Variants in HERC3 observed in about 807,000 individuals in gnomAD.
HERC3 encodes HECT and RLD domain containing E3 ubiquitin protein ligase 3.
A neutral mutation model predicts 129.9 loss-of-function variants in HERC3; 58 were observed. The observed-to-expected ratio is 0.45, with a 90% CI of 0.36 to 0.56. The LOEUF is 0.56. Ranked by LOEUF, HERC3 falls within the 20% of genes least tolerant of loss-of-function variation. HERC3 has a pLI of 0.00. For synonymous variants in HERC3, 430 were observed against 451.0 expected (o/e 0.95, Z 0.59); for missense variants, 835 against 1,244.2 (o/e 0.67, Z 4.95).
chr4:88,558,018 T>C, the HERC3 span, among the ~76,000 whole-genome samples: 7,273 of 131,706 alleles, frequency 0.055, 438 homozygotes, highest in East Asian at 0.29. Flanking sequence ...TTGCGGTGAG[T>C]CGAGATCACA....
chr4:88,549,164 A>G, the HERC3 span, among the ~76,000 whole-genome samples: 80 of 152,134 alleles, frequency 5.3e-4, no homozygotes, highest in Admixed American at 8.5e-4. Context: ...AAATTTTTAT[A>G]TGATATAAAG....
chr4:88,561,470 G>A, the HERC3 span, among the ~76,000 whole-genome samples: 2 of 152,030 alleles, frequency 1.3e-5, no homozygotes, highest in African/African-American at 4.8e-5. Flanking sequence ...GGTAAATGGG[G>A]TATCCATCAT....
At chr4:88,557,741 CAG>C in the HERC3 span, among the ~76,000 whole-genome samples, 1 of 152,208 alleles carries the variant, frequency 6.6e-6, no homozygotes, top group South Asian at 2.1e-4. Flanking sequence ...CTGTGGAAAA[CAG>C]TATGGAGATT....
chr4:88,663,119 T>G (rs1362639178), intron 11 of HERC3, among the ~76,000 whole-genome samples: 3 of 152,194 alleles, frequency 2.0e-5, no homozygotes, highest in African/African-American at 7.2e-5. Flanking sequence ...CACTTTTTTC[T>G]GCAAAGTCTG....
chr4:88,669,937 C>G lies in HERC3; in HGVS notation c.1711C>G (p.Leu571Val). The change falls in exon 15 of 26, where the codon CTG becomes GTG. Residue 571 changes from leucine (L) to valine (V), a missense_variant. By Grantham distance (32) the Leu-to-Val change is conservative. Transcript: ENST00000402738. Reference sequence around the variant, plus strand: ...CTATAAAGGTGCAGTCCTTTATCTACTGAGGGGAAGAAAGACATTCTTAAT... The same window carrying G: ...CTATAAAGGTGCAGTCCTTTATCTAGTGAGGGGAAGAAAGACATTCTTAAT... ...NLYKGAVLYL[L>V]RGRKTFLIPV... The G allele has an allele frequency of 6.2e-7, 1 of 1,613,340 alleles. No homozygotes were observed. Among genetic ancestry groups the G allele is most frequent in the Non-Finnish European group, 8.5e-7 (1 of 1,179,400 alleles).
chr4:88,535,995 C>T, the HERC3 span, among the ~76,000 whole-genome samples: 1 of 152,184 alleles, frequency 6.6e-6, no homozygotes, highest in Admixed American at 6.5e-5. Flanking sequence ...TCTCATGGGG[C>T]TAGGATGACC....
intron 3 of HERC3, among the ~76,000 whole-genome samples, chr4:88,618,273 A>T (rs1725140738): frequency 6.6e-6 from 1 of 152,216 alleles, no homozygotes; most frequent in East Asian, 1.9e-4. Flanking sequence ...TGCTTTATTC[A>T]TCTTTCTGTT....
chr4:88,561,651 C>T, the HERC3 span, among the ~76,000 whole-genome samples: 9 of 152,176 alleles, frequency 5.9e-5, no homozygotes, highest in Middle Eastern at 6.8e-3. Context: ...CTTCACTTCC[C>T]CTCTTTCCTT....
chr4:88,681,146 G>A lies in HERC3; in HGVS notation c.2341-13G>A, dbSNP rs374491644. On this transcript the variant is annotated splice_polypyrimidine_tract_variant and intron_variant, in intron 20 of 25. Coordinates refer to ENST00000402738, the MANE Select transcript of HERC3 (RefSeq NM_014606.3). ...GCATTTCTTTTTAACACATTTGTAT[G>A]TGTCCTAAAAAGTGTTTTGTAGAGC... 6 of 1,593,212 alleles carry A rather than the reference G, an allele frequency of 3.8e-6. No homozygotes were observed. Among genetic ancestry groups the A allele is most frequent in the Non-Finnish European group, 5.1e-6 (6 of 1,171,456 alleles).
intron 6 of HERC3, 78 bp from the exon 7 acceptor site, chr4:88,653,964 A>C: frequency 9.2e-7 from 1 of 1,087,376 alleles, no homozygotes; most frequent in Non-Finnish European, 1.4e-6. Context: ...AGGAATCCAA[A>C]ATTCATGCCA....
At chr4:88,653,924 G>A in intron 6 of HERC3, 118 bp from the exon 7 acceptor site, 1 of 706,092 alleles carries the variant, frequency 1.4e-6, no homozygotes. Flanking sequence ...TACAGATGCA[G>A]GCAGGAAACT....
intron 23 of HERC3, among the ~76,000 whole-genome samples, chr4:88,702,400 C>G (rs1264571817): frequency 2.6e-5 from 4 of 152,228 alleles, no homozygotes; most frequent in African/African-American, 9.6e-5. Flanking sequence ...GTCACAAGCT[C>G]TGAGTGACAG....
chr4:88,687,723 CA>C (rs1389824288), intron 23 of HERC3, among the ~76,000 whole-genome samples: 1 of 152,106 alleles, frequency 6.6e-6, no homozygotes, highest in Admixed American at 6.5e-5. Flanking sequence ...GTGCCTGGCA[CA>C]AAAATACTCA....
At chr4:88,593,771 A>G (rs146591728) in intron 1 of HERC3, among the ~76,000 whole-genome samples, 2 of 152,272 alleles carry the variant, frequency 1.3e-5, no homozygotes, top group African/African-American at 4.8e-5. Context: ...TGATTTTTCA[A>G]CTCTAGACTT....
intron 3 of HERC3, among the ~76,000 whole-genome samples, chr4:88,643,241 G>A (rs761703663): frequency 5.3e-5 from 8 of 152,144 alleles, no homozygotes; most frequent in Admixed American, 1.3e-4. Flanking sequence ...CCAAGACCTC[G>A]TAACTGTAGA....
At chr4:88,653,596 G>A (rs1345900188) in intron 6 of HERC3, among the ~76,000 whole-genome samples, 2 of 152,232 alleles carry the variant, frequency 1.3e-5, no homozygotes, top group South Asian at 2.1e-4. Flanking sequence ...AGACCCTGAG[G>A]GTTTGGAGGA....
At chr4:88,624,371 C>T (rs1725866577) in intron 3 of HERC3, among the ~76,000 whole-genome samples, 1 of 152,196 alleles carries the variant, frequency 6.6e-6, no homozygotes, top group Non-Finnish European at 1.5e-5. Context: ...AGTTGCTCCT[C>T]AGCATCACTT....
the HERC3 span, among the ~76,000 whole-genome samples, chr4:88,546,595 G>A: frequency 6.7e-6 from 1 of 149,584 alleles, no homozygotes; most frequent in African/African-American, 2.5e-5. Context: ...CTGCAGCCTC[G>A]ACCTCCTGGG....
chr4:88,651,027 G>A (rs1009064942), intron 4 of HERC3, among the ~76,000 whole-genome samples: 1 of 152,184 alleles, frequency 6.6e-6, no homozygotes, highest in African/African-American at 2.4e-5. Context: ...GACAGGTAAT[G>A]TCTTAGATTC....
Sources: allele counts gnomAD v4.1 joint callset (sites outside exome capture counted in the v4.1 genomes callset), GRCh38; gene constraint gnomAD v4.1.1; transcripts MANE v1.5; gene names NCBI Gene and HGNC (gene_info 2026-07-23, HGNC 2026-07-21).